Variants in GAS2 observed in about 807,000 individuals in gnomAD.
GAS2 encodes the protein growth arrest specific 2.
Under a neutral mutation model 37.5 loss-of-function variants are expected in GAS2, and 20 were observed. The ratio of observed to expected loss-of-function variants is 0.53; its 90% CI spans 0.37 to 0.77. The LOEUF (loss-of-function observed/expected upper bound fraction) is 0.77, where lower values mean the gene tolerates loss of function less well. GAS2 is among the 30% of genes least tolerant of loss of function. GAS2 has a pLI of 0.00. For synonymous variants in GAS2, 144 were observed against 132.2 expected, an observed-to-expected ratio of 1.09 and a Z score of -0.61; for missense variants, 336 against 373.4, an observed-to-expected ratio of 0.90 and a Z score of 0.82.
chr11:22,794,524 C>A (rs149424831), intron 7 of GAS2, among the ~76,000 whole-genome samples: 2 of 152,228 alleles, frequency 1.3e-5, no homozygotes, highest in African/African-American at 4.8e-5. Context: ...CCCCTTCCCC[C>A]ACTCACCACA....
intron 1 of GAS2, among the ~76,000 whole-genome samples, chr11:22,645,223 T>C (rs114578893): frequency 0.01 from 1,590 of 152,010 alleles, 27 homozygotes; most frequent in African/African-American, 0.035. Context: ...AAAATATGTA[T>C]ATATGGCCGG....
intron 7 of GAS2, among the ~76,000 whole-genome samples, chr11:22,786,331 C>T (rs1564888304): frequency 6.6e-6 from 1 of 152,104 alleles, no homozygotes; most frequent in African/African-American, 2.4e-5. Context: ...GTAAAAATTA[C>T]TGAGAATGTC....
upstream of GAS2, among the ~76,000 whole-genome samples, chr11:22,665,467 G>A (rs917617991): frequency 6.6e-6 from 1 of 152,086 alleles, no homozygotes; most frequent in African/African-American, 2.4e-5. Flanking sequence ...TCAGTAATGA[G>A]TTCTGTATGT....
At chr11:22,765,971 G>A (rs1425581310) in intron 7 of GAS2, among the ~76,000 whole-genome samples, 3 of 152,256 alleles carry the variant, frequency 2.0e-5, no homozygotes, top group Admixed American at 2.0e-4. Flanking sequence ...GAGAGAGTGG[G>A]AGGGGAGGTG....
At chr11:22,777,466 G>T (rs975316513) in intron 7 of GAS2, among the ~76,000 whole-genome samples, 4 of 152,140 alleles carry the variant, frequency 2.6e-5, no homozygotes, top group African/African-American at 7.2e-5. Flanking sequence ...CTTATAATGA[G>T]CTGGGTATTT....
At chr11:22,692,164 G>T (rs137889625) in intron 3 of GAS2, among the ~76,000 whole-genome samples, 1 of 152,096 alleles carries the variant, frequency 6.6e-6, no homozygotes, top group African/African-American at 2.4e-5. Flanking sequence ...AGATGGGGGT[G>T]GGGGAGCGGA....
chr11:22,643,632 C>G (rs1276120560), intron 1 of GAS2, among the ~76,000 whole-genome samples: 1 of 151,658 alleles, frequency 6.6e-6, no homozygotes, highest in Non-Finnish European at 1.5e-5. Context: ...ACTAAATAAA[C>G]TAAATTTATT....
chr11:22,760,024 T>G (rs904907265), intron 7 of GAS2, among the ~76,000 whole-genome samples: 1 of 152,198 alleles, frequency 6.6e-6, no homozygotes, highest in Non-Finnish European at 1.5e-5. Flanking sequence ...AGTGCAGTGC[T>G]GCGGCTCACT....
intron 7 of GAS2, among the ~76,000 whole-genome samples, chr11:22,771,902 C>T (rs766460222): frequency 5.3e-5 from 8 of 152,044 alleles, no homozygotes; most frequent in Non-Finnish European, 8.8e-5. Flanking sequence ...GCTTCTGTTT[C>T]CTGGTAAAGA....
chr11:22,674,371 C>A (rs1438102396), intron 1 of GAS2, among the ~76,000 whole-genome samples: 6 of 152,074 alleles, frequency 3.9e-5, no homozygotes, highest in African/African-American at 1.4e-4. Context: ...AAGTACTTTG[C>A]TTAACCTTTT....
At chr11:22,779,582 C>T (rs1159067277) in intron 7 of GAS2, among the ~76,000 whole-genome samples, 1 of 152,078 alleles carries the variant, frequency 6.6e-6, no homozygotes, top group Non-Finnish European at 1.5e-5. Context: ...CCTGTAATCC[C>T]AGCTACTTGG....
intron 7 of GAS2, among the ~76,000 whole-genome samples, chr11:22,758,359 C>G (rs1476092600): frequency 6.6e-6 from 1 of 152,090 alleles, no homozygotes; most frequent in Non-Finnish European, 1.5e-5. Flanking sequence ...TTTGAGGCTG[C>G]CTAATACGGT....
intron 7 of GAS2, among the ~76,000 whole-genome samples, chr11:22,800,486 A>T (rs913222447): frequency 2.0e-5 from 3 of 152,056 alleles, no homozygotes; most frequent in Admixed American, 6.6e-5. Flanking sequence ...TTTGAGGAAG[A>T]TTACTGTGGC....
intron 7 of GAS2, among the ~76,000 whole-genome samples, chr11:22,762,194 T>C (rs1854427656): frequency 1.3e-5 from 2 of 152,170 alleles, no homozygotes; most frequent in Non-Finnish European, 2.9e-5. Context: ...GAATATTTAA[T>C]TTGTTTTCAT....
chr11:22,773,863 A>T (rs370798240), intron 7 of GAS2, among the ~76,000 whole-genome samples: 10 of 152,168 alleles, frequency 6.6e-5, no homozygotes, highest in African/African-American at 2.4e-4. Context: ...AAGCATTTAG[A>T]TTCCAGCAAT....
chr11:22,776,005 A>C (rs557202183), intron 7 of GAS2, among the ~76,000 whole-genome samples: 1 of 152,326 alleles, frequency 6.6e-6, no homozygotes, highest in African/African-American at 2.4e-5. Flanking sequence ...GTTCATTACA[A>C]ATATACCCAG....
At chr11:22,636,100 TTTTG>T (rs1393670481) in intron 1 of GAS2, among the ~76,000 whole-genome samples, 11 of 152,198 alleles carry the variant, frequency 7.2e-5, no homozygotes, top group Non-Finnish European at 7.3e-5. Flanking sequence ...GGGTCTATGT[TTTTG>T]TTTGTTTGTT....
chr11:22,696,806 T>G (rs2133998229), intron 3 of GAS2, among the ~76,000 whole-genome samples: 1 of 152,088 alleles, frequency 6.6e-6, no homozygotes, highest in South Asian at 2.1e-4. Context: ...TTTTTTCTTG[T>G]AAATTTGTTT....
At chr11:22,749,429 C>A (rs1212905787) in intron 6 of GAS2, among the ~76,000 whole-genome samples, 168 bp downstream of exon 6, 1 of 151,890 alleles carries the variant, frequency 6.6e-6, no homozygotes, top group African/African-American at 2.4e-5. Flanking sequence ...TTTTGAGATT[C>A]AAAACTGAAC....
Sources: gnomAD v4.1 joint callset for allele counts (sites outside exome capture counted in the v4.1 genomes callset) on GRCh38, gnomAD v4.1.1 for gene constraint, MANE v1.5 for transcripts, NCBI Gene and HGNC (gene_info 2026-07-23, HGNC 2026-07-21) for gene names.